PLPPR1: variants seen among roughly 807,000 people sequenced by gnomAD.
PLPPR1 encodes the protein phospholipid phosphatase related 1, also known as phospholipid phosphatase-related protein type 1.
PLPPR1 carries 10 observed loss-of-function variants against 33.1 expected under a neutral mutation model. The observed-to-expected ratio is 0.30, with a 90% CI of 0.19 to 0.51. The LOEUF is 0.51. Among genes scored for constraint, PLPPR1 ranks in the 20% least tolerant of loss-of-function variants. The pLI is 0.97. For missense variants in PLPPR1, 304 were observed against 408.1 expected (o/e 0.74, Z 2.20); for synonymous variants, 151 against 151.0 (o/e 1.00, Z 0.00).
chr9:101,293,252 A>C (rs1828553747), intron 4 of PLPPR1, among the ~76,000 whole-genome samples: 2 of 151,666 alleles, frequency 1.3e-5, no homozygotes, highest in African/African-American at 4.9e-5. Flanking sequence ...AGAAGAGCTA[A>C]CTATCCTAAA....
At chr9:101,292,207 T>A (rs1828523858) in intron 4 of PLPPR1, among the ~76,000 whole-genome samples, 1 of 151,400 alleles carries the variant, frequency 6.6e-6, no homozygotes, top group Non-Finnish European at 1.5e-5. Flanking sequence ...GAAAATGAAA[T>A]GAATGAAATG....
intron 1 of PLPPR1, among the ~76,000 whole-genome samples, chr9:101,146,366 G>A (rs1234543584): frequency 6.6e-6 from 1 of 152,148 alleles, no homozygotes; most frequent in African/African-American, 2.4e-5. Context: ...CTCTTATAAG[G>A]ATACCTGATA....
At chr9:101,080,742 G>T (rs530145307) in intron 1 of PLPPR1, among the ~76,000 whole-genome samples, 12 of 152,152 alleles carry the variant, frequency 7.9e-5, no homozygotes, top group Admixed American at 2.6e-4. Flanking sequence ...GTTTGTAAAT[G>T]CTCTATAATT....
chr9:101,317,318 T>G (rs548947454), intron 6 of PLPPR1, 47 bp from the exon 7 acceptor site: 1 of 1,584,070 alleles, frequency 6.3e-7, no homozygotes, highest in South Asian at 1.2e-5. Context: ...TGCCAGGCAT[T>G]GATGGCTGCA....
At chr9:101,266,184 T>C (rs1483353344) in intron 2 of PLPPR1, among the ~76,000 whole-genome samples, 7 of 151,958 alleles carry the variant, frequency 4.6e-5, no homozygotes, top group African/African-American at 1.7e-4. Flanking sequence ...CCCAACACTT[T>C]GGGAGGCTGA....
chr9:101,320,322 A>C (rs1727522982), intron 7 of PLPPR1, among the ~76,000 whole-genome samples: 1 of 152,154 alleles, frequency 6.6e-6, no homozygotes, highest in Non-Finnish European at 1.5e-5. Flanking sequence ...GTGTTCCCTC[A>C]TGTCTGCCTC....
intron 6 of PLPPR1, among the ~76,000 whole-genome samples, chr9:101,314,839 T>C (rs913207906): frequency 1.3e-5 from 2 of 152,158 alleles, no homozygotes; most frequent in Non-Finnish European, 2.9e-5. Context: ...CCAGGCATTC[T>C]TCCTATAGTG....
intron 1 of PLPPR1, among the ~76,000 whole-genome samples, chr9:101,181,787 A>T (rs1826118266): frequency 6.7e-6 from 1 of 148,774 alleles, no homozygotes; most frequent in African/African-American, 2.5e-5. Context: ...CACATACCTA[A>T]TACACCAGAT....
chr9:101,116,177 C>G (rs949049782), intron 1 of PLPPR1, among the ~76,000 whole-genome samples: 2 of 152,136 alleles, frequency 1.3e-5, no homozygotes, highest in African/African-American at 4.8e-5. Context: ...AGTACAGGCT[C>G]TGAGAGAATA....
chr9:101,286,361 T>A, intron 4 of PLPPR1, 125 bp downstream of exon 4: 2 of 820,748 alleles, frequency 2.4e-6, no homozygotes, highest in Non-Finnish European at 3.7e-6. Context: ...GGGATTTTCC[T>A]GATCCTACTG....
At chr9:101,182,863 T>TA (rs1826139017) in intron 1 of PLPPR1, among the ~76,000 whole-genome samples, 1 of 151,478 alleles carries the variant, frequency 6.6e-6, no homozygotes, top group Non-Finnish European at 1.5e-5. Flanking sequence ...AAAGAATATA[T>TA]AAAAATGGCT....
intron 2 of PLPPR1, among the ~76,000 whole-genome samples, chr9:101,238,062 A>AGCCTG (rs1827353249): frequency 7.3e-6 from 1 of 137,196 alleles, no homozygotes; most frequent in Non-Finnish European, 1.6e-5. Flanking sequence ...TAGCCTATAT[A>AGCCTG]TACGTGTGTG....
intron 2 of PLPPR1, among the ~76,000 whole-genome samples, chr9:101,231,123 G>A (rs754334965): frequency 5.3e-5 from 8 of 151,946 alleles, no homozygotes; most frequent in Non-Finnish European, 1.0e-4. Context: ...TTTAGCAGCA[G>A]AAGAGGGGTT....
At chr9:101,258,666 C>G (rs2118876612) in intron 2 of PLPPR1, among the ~76,000 whole-genome samples, 1 of 152,258 alleles carries the variant, frequency 6.6e-6, no homozygotes, top group South Asian at 2.1e-4. Flanking sequence ...CTTGGCTCGT[C>G]CTCTCACCAC....
In PLPPR1 at chr9:101,192,615, C is replaced by T. The variant is rs116374291; in HGVS notation, c.63+7058C>T. ...ATGTTAACATGAAAATAATGAAAAA[C>T]AACAGCTTCTACCCAATATAAAACA... On this transcript the variant is annotated intron_variant, in intron 2 of 7. Transcript: ENST00000374874. 8.0e-3 allele frequency among the ~76,000 whole-genome samples: 1,210 copies of T among 152,012 alleles called. 23 individuals carry two copies. The highest frequency in any genetic ancestry group is 0.028 in the African/African-American group (1,144 of 41,482).
At chr9:101,258,386 A>C (rs977663300) in intron 2 of PLPPR1, among the ~76,000 whole-genome samples, 2 of 152,096 alleles carry the variant, frequency 1.3e-5, no homozygotes, top group African/African-American at 4.8e-5. Flanking sequence ...AAAAGCTAAG[A>C]ACTTCATCTT....
chr9:101,219,005 G>A (rs1307496444), intron 2 of PLPPR1, among the ~76,000 whole-genome samples: 1 of 152,136 alleles, frequency 6.6e-6, no homozygotes, highest in Non-Finnish European at 1.5e-5. Flanking sequence ...ATGTCCTTTA[G>A]GGAAATTGAC....
At chr9:101,031,008 T>C (rs997896225) in intron 1 of PLPPR1, among the ~76,000 whole-genome samples, 11 of 152,156 alleles carry the variant, frequency 7.2e-5, no homozygotes, top group Admixed American at 6.5e-5. Flanking sequence ...ATAGTTTCGC[T>C]TTTATGATTT....
chr9:101,245,673 G>A (rs942479070), intron 2 of PLPPR1, among the ~76,000 whole-genome samples: 1 of 151,860 alleles, frequency 6.6e-6, no homozygotes, highest in South Asian at 2.1e-4. Flanking sequence ...TTCTTACCCA[G>A]GTTCTTTTGT....
Sources: allele counts gnomAD v4.1 joint callset (sites outside exome capture counted in the v4.1 genomes callset), GRCh38; gene constraint gnomAD v4.1.1; transcripts MANE v1.5; gene names NCBI Gene and HGNC (gene_info 2026-07-23, HGNC 2026-07-21).